Variants in JPH3 observed in about 807,000 individuals in gnomAD.
JPH3 encodes the protein junctophilin 3, also known as junctophilin-3.
A neutral mutation model predicts 59.6 loss-of-function variants in JPH3; 11 were observed. The ratio of observed to expected loss-of-function variants is 0.18; its 90% CI spans 0.12 to 0.31. The LOEUF is 0.31. Among genes scored for constraint, JPH3 ranks in the 10% least tolerant of loss-of-function variants. JPH3 has a pLI of 1.00. For missense variants in JPH3, 1,202 were observed against 1,105.7 expected, an observed-to-expected ratio of 1.09 and a Z score of -1.24; for synonymous variants, 673 against 483.6, an observed-to-expected ratio of 1.39 and a Z score of -5.14.
At chr16:87,628,100 A>C (rs1026949062) in intron 1 of JPH3, among the ~76,000 whole-genome samples, 6 of 152,222 alleles carry the variant, frequency 3.9e-5, no homozygotes, top group Non-Finnish European at 8.8e-5. Flanking sequence ...GGAGGGAGGA[A>C]GCTGGGGTTA....
chr16:87,652,869 C>G (rs918124606), intron 2 of JPH3, among the ~76,000 whole-genome samples: 1 of 152,218 alleles, frequency 6.6e-6, no homozygotes, highest in African/African-American at 2.4e-5. Context: ...GTCCTGGGCA[C>G]CTCTGCCACT....
rs113546282 is a variant in JPH3, at chr16:87,690,558, G to T, written c.2166+32G>T. On this transcript the variant is annotated intron_variant, in intron 4 of 4. Transcript: ENST00000284262. ...GGGCGGCCACCAGGCTGGTCCCAGT[G>T]GAGGCAACATCCACCTCTCTGCTGA... 3.5e-6 allele frequency: 5 copies of T among 1,443,228 alleles called. No homozygotes were observed. In the African/African-American group the frequency reaches 5.7e-5, roughly 17 times the overall value. 89.4% of individuals were successfully genotyped at this position (1,443,228 alleles called of 1,614,324 possible). A position where few individuals can be genotyped will look rare whatever the true frequency, so the allele number is the denominator to read the frequency against.
intron 2 of JPH3, among the ~76,000 whole-genome samples, chr16:87,655,416 C>CCCT (rs2032466190): frequency 6.6e-6 from 1 of 152,150 alleles, no homozygotes; most frequent in African/African-American, 2.4e-5. Context: ...TGCAGTGGTA[C>CCCT]GATCATAGCC....
At chr16:87,670,549 T>G (rs1266826717) in intron 2 of JPH3, among the ~76,000 whole-genome samples, 4 of 152,240 alleles carry the variant, frequency 2.6e-5, no homozygotes, top group Admixed American at 2.6e-4. Flanking sequence ...TTGGTTATCC[T>G]TCCAAGCCCA....
chr16:87,656,202 A>C (rs1029779089), intron 2 of JPH3, among the ~76,000 whole-genome samples: 1 of 152,086 alleles, frequency 6.6e-6, no homozygotes, highest in Non-Finnish European at 1.5e-5. Flanking sequence ...GTGCCGTGAC[A>C]CCTATTTTAC....
intron 2 of JPH3, among the ~76,000 whole-genome samples, chr16:87,682,265 T>C (rs1410261697): frequency 6.6e-6 from 1 of 152,216 alleles, no homozygotes; most frequent in Non-Finnish European, 1.5e-5. Context: ...CAGTGGAATC[T>C]TGAAACAAGA....
chr16:87,604,169 A>C, intron 1 of JPH3: 1 of 1,384,060 alleles, frequency 7.2e-7, no homozygotes, highest in South Asian at 1.3e-5. Context: ...AGAGCCCAGG[A>C]ATCTCGTCTT....
In JPH3 at chr16:87,603,915, C is replaced by T. The variant is rs559261807; in HGVS notation, c.382+387C>T. On this transcript the variant is annotated intron_variant, in intron 1 of 4. Coordinates refer to ENST00000284262, the MANE Select transcript of JPH3 (RefSeq NM_020655.4). ...CCCTCCCCTTGTTGGCTTTGCCCCC[C>T]ACCCTGGAGGCCGCCCTTCGATCAG... 1.1e-4 allele frequency among the ~76,000 whole-genome samples: 16 copies of T among 152,380 alleles called. No homozygotes were observed. In the South Asian group the frequency reaches 2.7e-3, roughly 26 times the overall value.
chr16:87,640,219 C>A (rs34284178), intron 1 of JPH3, among the ~76,000 whole-genome samples: 6,578 of 151,798 alleles, frequency 0.043, 182 homozygotes, highest in Non-Finnish European at 0.066. Flanking sequence ...GTCCCAGCTA[C>A]TCAGGAGGCT....
intron 1 of JPH3, among the ~76,000 whole-genome samples, chr16:87,612,059 C>T (rs145270722): frequency 1.3e-5 from 2 of 152,306 alleles, no homozygotes; most frequent in Non-Finnish European, 2.9e-5. Context: ...AATGCAGATG[C>T]CCGGGCCCCA....
At chr16:87,652,581 C>T (rs970204784) in intron 2 of JPH3, among the ~76,000 whole-genome samples, 5 of 152,234 alleles carry the variant, frequency 3.3e-5, no homozygotes, top group South Asian at 4.1e-4. Flanking sequence ...CTCCTGCTTC[C>T]GCCTTCCGAG....
intron 2 of JPH3, among the ~76,000 whole-genome samples, chr16:87,652,562 C>G (rs2032358224): frequency 6.6e-6 from 1 of 152,264 alleles, no homozygotes. Context: ...GTCCCGGGCT[C>G]AAGTGATCCT....
intron 1 of JPH3, among the ~76,000 whole-genome samples, chr16:87,624,363 C>G (rs1879308994): frequency 6.6e-6 from 1 of 152,230 alleles, no homozygotes. Context: ...CATTTTCTGT[C>G]TTTGTGGGTT....
intron 1 of JPH3, among the ~76,000 whole-genome samples, chr16:87,642,859 C>T (rs781003834): frequency 6.6e-6 from 1 of 152,238 alleles, no homozygotes; most frequent in Non-Finnish European, 1.5e-5. Flanking sequence ...GGGCCCAGGT[C>T]TGCTGACCGG....
chr16:87,646,595 T>C (rs1164182453), intron 2 of JPH3, among the ~76,000 whole-genome samples: 1 of 152,226 alleles, frequency 6.6e-6, no homozygotes, highest in Non-Finnish European at 1.5e-5. Flanking sequence ...GTCTGATGGA[T>C]CGGCCGAGCG....
chr16:87,642,753 G>A (rs1292376720), intron 1 of JPH3, among the ~76,000 whole-genome samples: 1 of 152,352 alleles, frequency 6.6e-6, no homozygotes, highest in East Asian at 1.9e-4. Context: ...GGTGACCTTT[G>A]GCATGAGGAG....
At chr16:87,636,049 G>A (rs1296302729) in intron 1 of JPH3, among the ~76,000 whole-genome samples, 1 of 151,866 alleles carries the variant, frequency 6.6e-6, no homozygotes, top group Non-Finnish European at 1.5e-5. Flanking sequence ...GCGGCCCACA[G>A]AGATGGGCAG....
At chr16:87,680,814 G>C (rs1003107059) in intron 2 of JPH3, among the ~76,000 whole-genome samples, 1 of 152,228 alleles carries the variant, frequency 6.6e-6, no homozygotes, top group Admixed American at 6.5e-5. Context: ...TTTTATTTTA[G>C]TGCAGGCACC....
intron 1 of JPH3, among the ~76,000 whole-genome samples, chr16:87,620,260 G>A (rs1409043872): frequency 6.6e-6 from 1 of 151,670 alleles, no homozygotes; most frequent in Non-Finnish European, 1.5e-5. Context: ...GCATTCCTGT[G>A]TGGAAGAGTA....
Sources: gnomAD v4.1 joint callset for allele counts (sites outside exome capture counted in the v4.1 genomes callset) on GRCh38, gnomAD v4.1.1 for gene constraint, MANE v1.5 for transcripts, NCBI Gene and HGNC (gene_info 2026-07-23, HGNC 2026-07-21) for gene names.